Variants in GMDS observed in about 807,000 individuals in gnomAD.
GMDS encodes the protein GDP-mannose 4,6-dehydratase, also known as GDP-mannose 4,6 dehydratase.
In GMDS, 20 loss-of-function variants were observed where a neutral mutation model predicts 49.9. The observed-to-expected ratio is 0.40, with a 90% CI of 0.28 to 0.58. GMDS has a LOEUF of 0.58. Ranked by LOEUF, GMDS falls within the 20% of genes least tolerant of loss-of-function variation. The pLI is 0.42. For missense variants in GMDS, 362 were observed against 481.4 expected (o/e 0.75, Z 2.32); for synonymous variants, 177 against 178.6 (o/e 0.99, Z 0.07).
chr6:1,950,796 G>A (rs1431240717), intron 6 of GMDS, among the ~76,000 whole-genome samples: 1 of 152,196 alleles, frequency 6.6e-6, no homozygotes, highest in Non-Finnish European at 1.5e-5. Context: ...TTGGAAGGAT[G>A]ACATCCTAGG....
At chr6:1,645,093 G>A (rs947003136) in intron 9 of GMDS, among the ~76,000 whole-genome samples, 21 of 151,916 alleles carry the variant, frequency 1.4e-4, no homozygotes, top group Non-Finnish European at 2.4e-4. Flanking sequence ...GTGCCACCAC[G>A]CCCAGCTAAT....
intron 6 of GMDS, among the ~76,000 whole-genome samples, chr6:1,955,453 G>A (rs1299461919): frequency 6.6e-6 from 1 of 152,012 alleles, no homozygotes; most frequent in Non-Finnish European, 1.5e-5. Context: ...ACATTTTCAT[G>A]ACTTATAGAC....
intron 7 of GMDS, among the ~76,000 whole-genome samples, chr6:1,804,383 G>A (rs542315588): frequency 6.5e-4 from 99 of 152,378 alleles, no homozygotes; most frequent in African/African-American, 2.3e-3. Context: ...ATGCCCATGT[G>A]GCGCACCCCG....
chr6:1,699,285 T>C (rs977553703), intron 9 of GMDS, among the ~76,000 whole-genome samples: 1 of 149,168 alleles, frequency 6.7e-6, no homozygotes, highest in Non-Finnish European at 1.5e-5. Context: ...ATAAGGAAGA[T>C]GGGGGTGGGG....
At chr6:1,743,542 CAAAAA>C (rs5873811) in intron 7 of GMDS, among the ~76,000 whole-genome samples, 1 of 117,252 alleles carries the variant, frequency 8.5e-6, no homozygotes. Flanking sequence ...GACTCCATCT[CAAAAA>C]AAAAAAAAAA....
chr6:1,867,944 C>T (rs1323815175), intron 7 of GMDS, among the ~76,000 whole-genome samples: 1 of 151,474 alleles, frequency 6.6e-6, no homozygotes, highest in Non-Finnish European at 1.5e-5. Context: ...ACAGATGATC[C>T]TAGGAAGGGA....
chr6:1,740,055 C>T (rs1561771185), intron 8 of GMDS, among the ~76,000 whole-genome samples: 1 of 152,060 alleles, frequency 6.6e-6, no homozygotes, highest in Non-Finnish European at 1.5e-5. Flanking sequence ...ATGTTTGATT[C>T]CTACAGAGAA....
intron 9 of GMDS, among the ~76,000 whole-genome samples, chr6:1,711,271 A>G (rs905985727): frequency 3.9e-5 from 6 of 152,204 alleles, no homozygotes; most frequent in African/African-American, 1.4e-4. Context: ...CTGCCTCAGG[A>G]TCCCTGCAGA....
chr6:1,747,355 A>T (rs1767539044), intron 7 of GMDS, among the ~76,000 whole-genome samples: 1 of 152,186 alleles, frequency 6.6e-6, no homozygotes, highest in South Asian at 2.1e-4. Flanking sequence ...ATGAATAACA[A>T]GATTTGTTAA....
chr6:2,108,655 G>A (rs376512313), intron 4 of GMDS, among the ~76,000 whole-genome samples: 45 of 152,124 alleles, frequency 3.0e-4, no homozygotes, highest in African/African-American at 1.1e-3. Context: ...TCATTTCACC[G>A]TAGTAAACAG....
chr6:1,900,957 A>G (rs1055409756), intron 7 of GMDS, among the ~76,000 whole-genome samples: 2 of 152,222 alleles, frequency 1.3e-5, no homozygotes, highest in Admixed American at 1.3e-4. Context: ...CACGCAAGGG[A>G]GAAAGTAGTT....
chr6:2,163,500 C>T (rs1188528612), intron 1 of GMDS, among the ~76,000 whole-genome samples: 2 of 152,042 alleles, frequency 1.3e-5, no homozygotes, highest in Non-Finnish European at 2.9e-5. Context: ...TGAGAAGTCC[C>T]AAGATCTGCA....
At chr6:2,197,023 C>G (rs1779301193) in intron 1 of GMDS, among the ~76,000 whole-genome samples, 1 of 152,284 alleles carries the variant, frequency 6.6e-6, no homozygotes, top group South Asian at 2.1e-4. Context: ...CAAGTTAAAC[C>G]TCTGTGTCCA....
chr6:1,977,667 G>T (rs933540575), intron 4 of GMDS, among the ~76,000 whole-genome samples: 1 of 152,156 alleles, frequency 6.6e-6, no homozygotes, highest in Non-Finnish European at 1.5e-5. Flanking sequence ...TGGAGGCAAG[G>T]GAACCCCCAC....
intron 4 of GMDS, among the ~76,000 whole-genome samples, chr6:2,025,360 GTGTGTGT>G (rs1561985342): frequency 6.3e-3 from 5 of 788 alleles, no homozygotes; most frequent in Non-Finnish European, 0.031. Context: ...ATGGTGGGGT[GTGTGTGT>G]GTGTGTGTGT....
rs192749020 is a variant in GMDS, at chr6:2,059,207, T to G, written c.345+56564A>C. On this transcript the variant is annotated intron_variant, in intron 4 of 10. Coordinates refer to ENST00000380815, the MANE Select transcript of GMDS (RefSeq NM_001500.4). ...AAAAAAAAAAAAAAAAAAAAAAAAG[T>G]CATCATGTCCAGTGTTTCTTTATGA... 2.7e-3 allele frequency among the ~76,000 whole-genome samples: 291 copies of G among 108,634 alleles called. 6 individuals carry two copies. The highest frequency in any genetic ancestry group is 1.2e-3 in the Non-Finnish European group (66 of 54,034). The allele number at this position is 108,634 out of a possible 152,430, so 71.3% of individuals were successfully genotyped here.
At chr6:2,091,628 T>C (rs905892172) in intron 4 of GMDS, among the ~76,000 whole-genome samples, 2 of 152,262 alleles carry the variant, frequency 1.3e-5, no homozygotes, top group Admixed American at 1.3e-4. Context: ...GCTTGGCAGA[T>C]AAGAATCAGG....
intron 4 of GMDS, among the ~76,000 whole-genome samples, chr6:2,008,407 G>A (rs1767334347): frequency 6.6e-6 from 1 of 152,090 alleles, no homozygotes. Flanking sequence ...ACTGACTGTG[G>A]AGTTAATATG....
chr6:2,163,985 T>C (rs1008638426), intron 1 of GMDS, among the ~76,000 whole-genome samples: 1 of 152,202 alleles, frequency 6.6e-6, no homozygotes, highest in South Asian at 2.1e-4. Context: ...TAACGACAAA[T>C]CTACTCTAAC....
Sources: allele counts gnomAD v4.1 joint callset (sites outside exome capture counted in the v4.1 genomes callset), GRCh38; gene constraint gnomAD v4.1.1; transcripts MANE v1.5; gene names NCBI Gene and HGNC (gene_info 2026-07-23, HGNC 2026-07-21).